XKR9: variants seen among roughly 807,000 people sequenced by gnomAD.
XKR9 encodes XK-related protein 9.
A neutral mutation model predicts 32.0 loss-of-function variants in XKR9; 32 were observed. The observed-to-expected ratio is 1.00, with a 90% confidence interval of 0.76 to 1.34. The LOEUF (loss-of-function observed/expected upper bound fraction) is 1.34, where lower values mean the gene tolerates loss of function less well. Among genes scored for constraint, XKR9 ranks in the 40% most tolerant of loss-of-function variants. The pLI is 0.00. For synonymous variants in XKR9, 168 were observed against 143.4 expected, an observed-to-expected ratio of 1.17 and a Z score of -1.22; for missense variants, 546 against 429.7, an observed-to-expected ratio of 1.27 and a Z score of -2.39.
At chr8:71,003,301 T>TC in the XKR9 span, among the ~76,000 whole-genome samples, 1 of 151,814 alleles carries the variant, frequency 6.6e-6, no homozygotes, top group Non-Finnish European at 1.5e-5. Flanking sequence ...TGCAAATGAG[T>TC]GGGGGGAAAA....
intron 3 of XKR9, 141 bp from the exon 4 acceptor site, chr8:70,706,792 C>T: frequency 1.5e-6 from 1 of 685,990 alleles, no homozygotes; most frequent in Non-Finnish European, 2.4e-6. Context: ...GAGATGTTCA[C>T]AAAAAATCTG....
At chr8:70,940,929 G>A in the XKR9 span, among the ~76,000 whole-genome samples, 1 of 151,958 alleles carries the variant, frequency 6.6e-6, no homozygotes, top group Non-Finnish European at 1.5e-5. Context: ...GTAGCACCTT[G>A]GGCCATAAGA....
At chr8:70,795,709 TG>T in the XKR9 span, among the ~76,000 whole-genome samples, 1 of 152,216 alleles carries the variant, frequency 6.6e-6, no homozygotes, top group Admixed American at 6.5e-5. Flanking sequence ...ACTGTGGTTT[TG>T]ATTTGCATTT....
At chr8:70,873,731 A>C in the XKR9 span, among the ~76,000 whole-genome samples, 1 of 152,210 alleles carries the variant, frequency 6.6e-6, no homozygotes, top group South Asian at 2.1e-4. Context: ...TTGAAATGAA[A>C]ACAAAGGATT....
chr8:70,831,290 C>G, the XKR9 span, among the ~76,000 whole-genome samples: 9 of 104,408 alleles, frequency 8.6e-5, no homozygotes, highest in Non-Finnish European at 1.4e-4. Context: ...GACTCTGTCT[C>G]AAAAAAAAAA....
At chr8:70,740,489 A>AGCTTTGTTCTG (rs1191085906), downstream of XKR9, among the ~76,000 whole-genome samples, 20 of 152,126 alleles carry the variant, frequency 1.3e-4, no homozygotes, top group African/African-American at 4.8e-4. Context: ...TTCTCTGTCC[A>AGCTTTGTTCTG]GCTTTGTTCT....
the XKR9 span, among the ~76,000 whole-genome samples, chr8:70,852,472 T>A: frequency 1.3e-5 from 2 of 152,072 alleles, no homozygotes; most frequent in Non-Finnish European, 2.9e-5. Context: ...CAAATCATTC[T>A]ACTATATAAA....
the XKR9 span, among the ~76,000 whole-genome samples, chr8:70,950,376 G>A: frequency 6.6e-6 from 1 of 152,176 alleles, no homozygotes; most frequent in Non-Finnish European, 1.5e-5. Context: ...TAACTCTTGA[G>A]CTGAGATCTG....
chr8:70,738,791 T>C (rs575309119), downstream of XKR9, among the ~76,000 whole-genome samples: 1 of 152,340 alleles, frequency 6.6e-6, no homozygotes, highest in South Asian at 2.1e-4. Context: ...TGAGTGAGTT[T>C]CTTAATCCTG....
the XKR9 span, among the ~76,000 whole-genome samples, chr8:70,979,125 T>G: frequency 0.021 from 3,200 of 152,272 alleles, 95 homozygotes; most frequent in African/African-American, 0.074. Context: ...TTGTTCTAAT[T>G]AGCCATTCAT....
At chr8:70,870,641 C>T in the XKR9 span, among the ~76,000 whole-genome samples, 1 of 152,142 alleles carries the variant, frequency 6.6e-6, no homozygotes, top group Non-Finnish European at 1.5e-5. Flanking sequence ...AGTTTACTCA[C>T]TTGGAAAAGT....
At chr8:70,978,061 T>C in the XKR9 span, among the ~76,000 whole-genome samples, 1 of 152,190 alleles carries the variant, frequency 6.6e-6, no homozygotes, top group African/African-American at 2.4e-5. Flanking sequence ...TTGCAACCCA[T>C]GCTTTTTTTG....
At chr8:70,791,471 T>A (rs1388140356), downstream of XKR9, among the ~76,000 whole-genome samples, 1 of 152,148 alleles carries the variant, frequency 6.6e-6, no homozygotes, top group Non-Finnish European at 1.5e-5. Flanking sequence ...GAAGTAGGAC[T>A]TTTAAGAGGT....
chr8:70,749,065 G>T (rs1321072162), intron 2 of XKR9, among the ~76,000 whole-genome samples: 1 of 152,168 alleles, frequency 6.6e-6, no homozygotes, highest in Non-Finnish European at 1.5e-5. Flanking sequence ...CTGAGAGCTG[G>T]ACATTCATCG....
At chr8:70,881,084 C>T in the XKR9 span, among the ~76,000 whole-genome samples, 58 of 152,280 alleles carry the variant, frequency 3.8e-4, no homozygotes, top group African/African-American at 1.1e-3. Context: ...AAAACTGAAA[C>T]TGGATCCCTT....
the XKR9 span, among the ~76,000 whole-genome samples, chr8:70,893,936 G>T: frequency 2.0e-5 from 3 of 152,018 alleles, no homozygotes; most frequent in Admixed American, 6.6e-5. Context: ...CTGTGGCAGG[G>T]TTGAATATAG....
the XKR9 span, among the ~76,000 whole-genome samples, chr8:70,900,190 T>C: frequency 1.3e-5 from 2 of 152,114 alleles, no homozygotes; most frequent in Non-Finnish European, 2.9e-5. Context: ...AAACCCTTAA[T>C]AGAGATTTTA....
intron 4 of XKR9, among the ~76,000 whole-genome samples, chr8:70,708,218 C>A (rs573248506): frequency 6.6e-6 from 1 of 151,902 alleles, no homozygotes; most frequent in Non-Finnish European, 1.5e-5. Context: ...TGATACGGAA[C>A]CCTTAACAGT....
the XKR9 span, among the ~76,000 whole-genome samples, chr8:70,888,781 T>G: frequency 1.3e-5 from 2 of 152,056 alleles, no homozygotes; most frequent in Non-Finnish European, 2.9e-5. Flanking sequence ...TGGACTTATA[T>G]GTGGGCTGTC....
Sources: allele counts gnomAD v4.1 joint callset (sites outside exome capture counted in the v4.1 genomes callset), GRCh38; gene constraint gnomAD v4.1.1; transcripts MANE v1.5; gene names NCBI Gene and HGNC (gene_info 2026-07-23, HGNC 2026-07-21).